The following UNC5CL variants were observed in gnomAD, a reference collection of about 807,000 sequenced individuals.
UNC5CL encodes the protein UNC5C-like protein.
In UNC5CL, 42 loss-of-function variants were observed where a neutral mutation model predicts 54.1. The observed-to-expected ratio is 0.78, with a 90% CI of 0.61 to 1.00. The LOEUF is 1.00. Among genes scored for constraint, UNC5CL ranks in the 50% least tolerant of loss-of-function variants. UNC5CL has a pLI of 0.00. For synonymous variants in UNC5CL, 285 were observed against 285.1 expected (o/e 1.00, Z 0.00); for missense variants, 619 against 675.6 (o/e 0.92, Z 0.93).
chr6:41,033,214 GCCT>G (rs1762477447), intron 3 of UNC5CL, 68 bp from the exon 4 acceptor site: 2 of 1,540,430 alleles, frequency 1.3e-6, no homozygotes, highest in South Asian at 2.5e-5. Flanking sequence ...ACTGCCACCA[GCCT>G]CCTGCCACCT....
At chr6:41,033,370 A>G (rs552473958) in intron 3 of UNC5CL, among the ~76,000 whole-genome samples, 3 of 152,258 alleles carry the variant, frequency 2.0e-5, no homozygotes, top group African/African-American at 7.2e-5. Context: ...CAGGGGAGAG[A>G]GGGAAAGTGG....
rs767525413 is a variant in UNC5CL at position 41,030,749 on chromosome 6, C to G, written c.1126G>C (p.Glu376Gln). The G allele has an allele frequency of 6.2e-7, 1 of 1,614,002 alleles. No homozygotes were observed. The highest frequency in any genetic ancestry group is 1.1e-5 in the South Asian group (1 of 91,074). Residue 376 changes from glutamate (E) to glutamine (Q), a missense_variant, in exon 7 of 9, where the codon GAG becomes CAG. Glu to Gln is a conservative substitution (Grantham distance 29). Transcript: ENST00000244565. ...VTMHTFQDGL[E>Q]TKYMEILRFQ... ...CTGAGGATTTCCATATACTTGGTCT[C>G]CAAGCCCTGAGTCAACACAGGGCAG... is the stretch of plus-strand genomic sequence containing the variant.
chr6:41,032,253 G>A, intron 4 of UNC5CL, 116 bp from the exon 5 acceptor site: 1 of 817,866 alleles, frequency 1.2e-6, no homozygotes, highest in Non-Finnish European at 2.0e-6. Context: ...CAAGGGAATG[G>A]GAATCCCCAG....
intron 1 of UNC5CL, among the ~76,000 whole-genome samples, chr6:41,036,580 T>G (rs1299327154): frequency 1.3e-5 from 2 of 152,206 alleles, no homozygotes; most frequent in Non-Finnish European, 2.9e-5. Flanking sequence ...AGTGCCTCTT[T>G]GTGTAATGGT....
Position 41,028,609 on chromosome 6 carries a change from G to T in UNC5CL, c.1335-14C>A. The T allele has an allele frequency of 6.2e-7, 1 of 1,610,570 alleles. No individual in the cohort carries two copies. Among genetic ancestry groups the T allele is most frequent in the Non-Finnish European group, 8.5e-7 (1 of 1,179,154 alleles). On this transcript the variant is annotated splice_polypyrimidine_tract_variant and intron_variant, in intron 8 of 8. Coordinates refer to ENST00000244565, the MANE Select transcript of UNC5CL (RefSeq NM_173561.3). This position sits in a 1 kb window ranked among gnomAD's most constrained non-coding sequence, Gnocchi z 4.3. ...CAGGACAGGAACCTGGCCCGAGGTA[G>T]GGGAGGAAGAGAAGGGTGTAGGAGC... is the stretch of plus-strand genomic sequence containing the variant.
chr6:41,034,582 A>C, intron 2 of UNC5CL, 108 bp downstream of exon 2: 2 of 1,373,324 alleles, frequency 1.5e-6, no homozygotes, highest in Non-Finnish European at 2.0e-6. Flanking sequence ...CAAAATATAA[A>C]CAATTATCAG....
chr6:41,030,351 C>T, intron 8 of UNC5CL, 37 bp downstream of exon 8: 4 of 1,604,604 alleles, frequency 2.5e-6, no homozygotes, highest in Non-Finnish European at 2.6e-6. Context: ...CCAGCCCACC[C>T]TCCTCTACCA....
At chr6:41,035,687 T>C (rs1762515325) in intron 1 of UNC5CL, among the ~76,000 whole-genome samples, 1 of 152,188 alleles carries the variant, frequency 6.6e-6, no homozygotes, top group Admixed American at 6.5e-5. Context: ...TATTCAGAAA[T>C]TTCTAGAAAA....
At position 41,034,818 on chromosome 6, in the gene UNC5CL, G is replaced by A. The variant is rs757758154; in HGVS notation, c.257C>T (p.Pro86Leu). The A allele has an allele frequency of 1.9e-6, 3 of 1,614,218 alleles. No homozygotes were observed. The highest frequency in any genetic ancestry group is 2.5e-6 in the Non-Finnish European group (3 of 1,180,038). ...GCGGACCATGGTCTGGCCTTGAGTG[G>A]GTGTGTGTAGCTCCTGGTAGAAGGC... ...MVAFYQELHT[P>L]TQGQTMVRQL... Residue 86 changes from proline (P) to leucine (L), a missense_variant, in exon 2 of 9, where the codon CCC (proline) becomes CTC (leucine). Transcript: ENST00000244565.
In UNC5CL at chr6:41,029,525, G is replaced by A. The variant is rs1762429100; in HGVS notation, c.1334+863C>T. Among the ~76,000 whole-genome samples the A allele has an allele frequency of 6.6e-6, 1 of 152,190 alleles. No individual in the cohort carries two copies. Among genetic ancestry groups the A allele is most frequent in the South Asian group, 2.1e-4 (1 of 4,826 alleles). ...CTAGTGTGTGCGCTCCTAGGCGCCG[G>A]GACCATGCCTCATTCATCTTGTATC... On this transcript the variant is annotated intron_variant, in intron 8 of 8. Coordinates refer to ENST00000244565, the MANE Select transcript of UNC5CL (RefSeq NM_173561.3). The surrounding 1 kb of genome is among the most constrained non-coding windows in gnomAD (Gnocchi z 4.1).
chr6:41,033,834 C>T (rs747045834), intron 3 of UNC5CL, 47 bp downstream of exon 3: 2 of 1,581,248 alleles, frequency 1.3e-6, no homozygotes, highest in South Asian at 1.2e-5. Flanking sequence ...GAAAGACAGT[C>T]CTCAGAGAGA....
In UNC5CL at chr6:41,028,300, C is replaced by T. The variant is rs1233338513; in HGVS notation, c.*73G>A. The T allele has an allele frequency of 3.6e-6, 5 of 1,376,232 alleles. No individual in the cohort carries two copies. Among genetic ancestry groups the T allele is most frequent in the Non-Finnish European group, 4.9e-6 (5 of 1,026,826 alleles). The allele number at this position is 1,376,232 out of a possible 1,614,324, so 85.3% of individuals were successfully genotyped here. ...TGGTGGGCACAGCCAGGAACAGCTG[C>T]TGTGTTCCTCTTAGGCGTAGGAGAA... On this transcript the variant is annotated 3_prime_UTR_variant, in exon 9 of 9. Transcript: ENST00000244565. The surrounding 1 kb of genome is among the most constrained non-coding windows in gnomAD (Gnocchi z 4.3).
In UNC5CL at chr6:41,027,234, CTG is replaced by C. The variant is rs1206454276; in HGVS notation, c.*1137_*1138del. 6 of 152,214 alleles carry C rather than the reference CTG, an allele frequency of 3.9e-5. No individual in the cohort carries two copies. The highest frequency in any genetic ancestry group is 8.8e-5 in the Non-Finnish European group (6 of 68,042). The allele number at this position is 152,214 out of a possible 1,614,324, so 9.4% of individuals were successfully genotyped here. ...CCACCCATCCATTCCTAGAGTAGCC[CTG>C]TCTCTTTCAACAGTCTTTGATACAT... On this transcript the variant is annotated 3_prime_UTR_variant, in exon 9 of 9. Transcript: ENST00000244565.
chr6:41,034,637 C>CTAA (rs895240520), intron 2 of UNC5CL, 53 bp downstream of exon 2: 156 of 1,569,966 alleles, frequency 9.9e-5, no homozygotes, highest in Admixed American at 2.9e-4. Flanking sequence ...ATGTGGTGAC[C>CTAA]TAATGTACAG....
At chr6:41,033,417 T>C (rs886964120) in intron 3 of UNC5CL, among the ~76,000 whole-genome samples, 1 of 152,078 alleles carries the variant, frequency 6.6e-6, no homozygotes, top group African/African-American at 2.4e-5. Context: ...CACCCGCACA[T>C]GGCCCTATTC....
Position 41,034,147 on chromosome 6 carries a change from A to G in UNC5CL, c.420T>C (p.Ser140=). ...CCGACAGGTCCCACACCAGGATCAAAGACACCCGCTCCTGGCGGCCCACAG... is the reference window on the plus strand; with the variant it reads ...CCGACAGGTCCCACACCAGGATCAAGGACACCCGCTCCTGGCGGCCCACAG... The part of the protein sequence containing the change: ...AVAVGRQERV[S]LILVWDLSDA... The change falls in exon 3 of 9, where the codon TCT becomes TCC. Residue 140 remains serine, a synonymous_variant. Transcript: ENST00000244565. 6.2e-7 allele frequency: 1 copy of G among 1,612,310 alleles called. No homozygotes were observed. Among genetic ancestry groups the G allele is most frequent in the South Asian group, 1.1e-5 (1 of 91,008 alleles).
intron 4 of UNC5CL, among the ~76,000 whole-genome samples, chr6:41,032,429 G>A (rs1450945785): frequency 6.6e-6 from 1 of 152,216 alleles, no homozygotes; most frequent in East Asian, 1.9e-4. Context: ...CAAAGCCCTG[G>A]GGGCTCCATG....
chr6:41,033,678 T>G (rs1379501595), intron 3 of UNC5CL: 1 of 611,754 alleles, frequency 1.6e-6, no homozygotes, highest in Non-Finnish European at 2.8e-6. Context: ...GCAATGGGAT[T>G]TGCAGTCATG....
At position 41,033,000 on chromosome 6, in the gene UNC5CL, T is replaced by TGCAGGGC. The variant is rs1762473950; in HGVS notation, c.826_832dup (p.Gln278ArgfsTer29). ...GGGCTGCTCGTTGGTCAGTGCCCAC[T>TGCAGGGC]GCAGGGCGCAGGGCGTGTTGTTGAG... On this transcript the variant is annotated frameshift_variant, in exon 4 of 9. Coordinates refer to ENST00000244565, the MANE Select transcript of UNC5CL (RefSeq NM_173561.3). LOFTEE classifies it high-confidence loss of function. 1 of 1,606,192 alleles carries TGCAGGGC rather than the reference T, an allele frequency of 6.2e-7. No individual in the cohort carries two copies.
Sources: gnomAD v4.1 joint callset for allele counts (sites outside exome capture counted in the v4.1 genomes callset) on GRCh38, gnomAD v4.1.1 for gene constraint, Gnocchi (gnomAD v3.1) non-coding constraint, MANE v1.5 for transcripts, NCBI Gene and HGNC (gene_info 2026-07-23, HGNC 2026-07-21) for gene names.